The following FOXP1 variants were observed in gnomAD, a reference collection of about 807,000 sequenced individuals.
The protein encoded by FOXP1 is forkhead box protein P1.
A neutral mutation model predicts 98.2 loss-of-function variants in FOXP1; 15 were observed. That is an observed-to-expected ratio of 0.15 (90% CI 0.10 to 0.24). FOXP1 has a LOEUF of 0.24. Among genes scored for constraint, FOXP1 ranks in the 10% least tolerant of loss-of-function variants. The pLI is 1.00. For missense variants in FOXP1, 633 were observed against 848.5 expected (o/e 0.75, Z 3.15); for synonymous variants, 371 against 314.5 (o/e 1.18, Z -1.90).
chr3:70,979,390 C>CAAAT (rs747689496), intron 14 of FOXP1, among the ~76,000 whole-genome samples: 1 of 143,944 alleles, frequency 6.9e-6, no homozygotes, highest in Non-Finnish European at 1.5e-5. Flanking sequence ...ACTGTTCTTA[C>CAAAT]AAATACTAAA....
At chr3:71,352,470 CAAAAAAAAAAAA>C (rs34693899) in intron 4 of FOXP1, among the ~76,000 whole-genome samples, 2 of 67,118 alleles carry the variant, frequency 3.0e-5, no homozygotes, top group African/African-American at 1.4e-4. Flanking sequence ...GACTCCATCT[CAAAAAAAAAAAA>C]AAAAAAAAAA....
intron 6 of FOXP1, among the ~76,000 whole-genome samples, chr3:71,132,808 A>C (rs1489693191): frequency 6.6e-6 from 1 of 152,206 alleles, no homozygotes; most frequent in Non-Finnish European, 1.5e-5. Context: ...CTAAGTTACA[A>C]ATGCAAAAAA....
chr3:71,234,733 G>C (rs564211183), intron 5 of FOXP1, among the ~76,000 whole-genome samples: 13 of 152,276 alleles, frequency 8.5e-5, no homozygotes, highest in Middle Eastern at 3.4e-3. Flanking sequence ...AGTGACATTA[G>C]GCCAACTGTG....
rs72953303 is a variant in FOXP1, at chr3:71,182,373, A to T, written c.180+15829T>A. Among the ~76,000 whole-genome samples, 1,183 of 152,292 alleles carry T rather than the reference A, an allele frequency of 7.8e-3. 22 individuals are homozygous for T. Among genetic ancestry groups the T allele is most frequent in the African/African-American group, 0.027 (1,125 of 41,532 alleles). ...TGCCATTTATATATATCATTTTTAT[A>T]TATCTCACAAGAGTTTTCCAACAGT... On this transcript the variant is annotated intron_variant, in intron 6 of 20. Transcript: ENST00000649528.
intron 4 of FOXP1, among the ~76,000 whole-genome samples, chr3:71,303,833 G>A (rs766523031): frequency 6.6e-6 from 1 of 152,080 alleles, no homozygotes; most frequent in Non-Finnish European, 1.5e-5. Flanking sequence ...GAGAAAAACA[G>A]AGGGGAAAAA....
intron 4 of FOXP1, among the ~76,000 whole-genome samples, chr3:71,353,860 ATCT>A (rs1208708536): frequency 6.6e-6 from 1 of 152,226 alleles, no homozygotes; most frequent in Non-Finnish European, 1.5e-5. Context: ...ATAATAGATC[ATCT>A]TCTTCAAGCA....
At chr3:71,582,752 G>C (rs922783701) in intron 1 of FOXP1, 1 of 985,320 alleles carries the variant, frequency 1.0e-6, no homozygotes, top group East Asian at 1.1e-4. Flanking sequence ...CGGAGGCCGA[G>C]CGCGCGTAGG....
At chr3:71,205,161 TAC>T (rs1232497697) in intron 5 of FOXP1, among the ~76,000 whole-genome samples, 4 of 152,224 alleles carry the variant, frequency 2.6e-5, no homozygotes, top group African/African-American at 9.6e-5. Context: ...GCACACATAC[TAC>T]AGTCCTGGTC....
At chr3:70,979,778 TAAAA>T (rs34746282) in intron 14 of FOXP1, among the ~76,000 whole-genome samples, 5 of 138,156 alleles carry the variant, frequency 3.6e-5, no homozygotes, top group Admixed American at 7.0e-5. Flanking sequence ...ACACTCTAGT[TAAAA>T]AAAAAAAAAA....
chr3:71,142,941 G>T (rs556873915), intron 6 of FOXP1, among the ~76,000 whole-genome samples: 2 of 152,222 alleles, frequency 1.3e-5, no homozygotes, highest in East Asian at 3.9e-4. Flanking sequence ...GGTGGGAAGA[G>T]AGATAAGGGG....
Position 71,556,645 on chromosome 3 carries a change from G to A in FOXP1, c.-298+24904C>T, listed in dbSNP as rs1319734076. 1.0e-4 allele frequency among the ~76,000 whole-genome samples: 15 copies of A among 143,884 alleles called. No homozygotes were observed. In the East Asian group the frequency reaches 3.0e-3, roughly 29 times the overall value. 94.4% of individuals were successfully genotyped at this position (143,884 alleles called of 152,430 possible). A position where few individuals can be genotyped will look rare whatever the true frequency, so the allele number is the denominator to read the frequency against. ...TACTCAATGTTGGCCAAACTGCAAT[G>A]AAGTGGAAACTGCCATAGTCTTTTT... On this transcript the variant is annotated intron_variant, in intron 2 of 20. Coordinates refer to ENST00000649528, the MANE Select transcript of FOXP1 (RefSeq NM_001349338.3).
chr3:71,498,600 T>C (rs58296850), intron 2 of FOXP1, among the ~76,000 whole-genome samples: 3,515 of 152,174 alleles, frequency 0.023, 153 homozygotes, highest in African/African-American at 0.081. Flanking sequence ...AAAAAGAGGA[T>C]TGAGGAACTG....
At chr3:71,199,172 A>G (rs1477001310) in intron 5 of FOXP1, among the ~76,000 whole-genome samples, 1 of 146,898 alleles carries the variant, frequency 6.8e-6, no homozygotes, top group Admixed American at 6.9e-5. Context: ...CAGTGGCGCT[A>G]TCTCTGCTCA....
intron 5 of FOXP1, among the ~76,000 whole-genome samples, chr3:71,255,733 A>G (rs2068568016): frequency 6.6e-6 from 1 of 152,206 alleles, no homozygotes; most frequent in Admixed American, 6.5e-5. Context: ...GAGATGAAAA[A>G]TGACAAATAC....
At position 71,423,196 on chromosome 3, in the gene FOXP1, T is replaced by C. The variant is rs543038798; in HGVS notation, c.-167-63952A>G. On this transcript the variant is annotated intron_variant, in intron 3 of 20. Transcript: ENST00000649528. ...TGAATTTATGAATCCACACAGCACC[T>C]ACAAGTTCTTCCTTCCCTAGGTGCT... Among the ~76,000 whole-genome samples the C allele has an allele frequency of 2.0e-5, 3 of 152,310 alleles. 1 individual carries two copies. Among genetic ancestry groups the C allele is most frequent in the Admixed American group, 2.0e-4 (3 of 15,296 alleles).
At chr3:71,272,810 A>T (rs2070504614) in intron 5 of FOXP1, among the ~76,000 whole-genome samples, 1 of 152,104 alleles carries the variant, frequency 6.6e-6, no homozygotes, top group Non-Finnish European at 1.5e-5. Context: ...AAGTCTTTCC[A>T]GGATTGCTGC....
rs371986200 is a variant in FOXP1, at chr3:70,958,663, A to C, written c.*584T>G. ...AAAAAAAAAAAAAGCAATACATTAA[A>C]AAGTTTGGGATAATTATTTTTTAAC... On this transcript the variant is annotated 3_prime_UTR_variant, in exon 21 of 21. Transcript: ENST00000649528. The C allele has an allele frequency of 5.4e-5, 12 of 223,140 alleles. No homozygotes were observed. The highest frequency in any genetic ancestry group is 2.7e-4 in the African/African-American group (12 of 43,934). 13.8% of individuals were successfully genotyped at this position (223,140 alleles called of 1,614,324 possible). A position where few individuals can be genotyped will look rare whatever the true frequency, so the allele number is the denominator to read the frequency against.
intron 14 of FOXP1, among the ~76,000 whole-genome samples, chr3:70,978,505 C>A (rs1396439134): frequency 1.3e-5 from 2 of 152,024 alleles, no homozygotes; most frequent in African/African-American, 4.8e-5. Context: ...GCTAGCACAA[C>A]CAAAGAGCTG....
chr3:71,329,261 G>A (rs576194941), intron 4 of FOXP1, among the ~76,000 whole-genome samples: 32 of 150,912 alleles, frequency 2.1e-4, no homozygotes, highest in African/African-American at 6.8e-4. Flanking sequence ...TCCCTCTGTC[G>A]CACAGGCTGG....
Sources: gnomAD v4.1 joint callset for allele counts (sites outside exome capture counted in the v4.1 genomes callset) on GRCh38, gnomAD v4.1.1 for gene constraint, MANE v1.5 for transcripts, NCBI Gene and HGNC (gene_info 2026-07-23, HGNC 2026-07-21) for gene names.